Variants in CDH9 observed in about 807,000 individuals in gnomAD.
The protein encoded by CDH9 is cadherin 9, also known as cadherin-9.
CDH9 carries 28 observed loss-of-function variants against 70.9 expected under a neutral mutation model. The observed-to-expected ratio is 0.40, with a 90% CI of 0.29 to 0.54. The LOEUF (loss-of-function observed/expected upper bound fraction) is 0.54, where lower values mean the gene tolerates loss of function less well. CDH9 is among the 20% of genes least tolerant of loss of function. The probability of loss-of-function intolerance (pLI) is 0.59; values close to 1 mark genes in which losing one functional copy is unlikely to be tolerated. For synonymous variants in CDH9, 409 were observed against 343.1 expected (o/e 1.19, Z -2.12); for missense variants, 874 against 984.4 (o/e 0.89, Z 1.50).
At chr5:27,002,662 A>T (rs1269022959) in intron 1 of CDH9, among the ~76,000 whole-genome samples, 1 of 152,018 alleles carries the variant, frequency 6.6e-6, no homozygotes, top group Non-Finnish European at 1.5e-5. Context: ...CAGCAAACTA[A>T]CGCAAGGACA....
At chr5:26,892,913 T>G (rs531424578) in intron 7 of CDH9, among the ~76,000 whole-genome samples, 90 of 152,052 alleles carry the variant, frequency 5.9e-4, no homozygotes, top group Admixed American at 1.8e-3. Context: ...TTTTGTATTT[T>G]TAGTAGAGAC....
chr5:26,986,862 G>C (rs905004142), intron 2 of CDH9, among the ~76,000 whole-genome samples: 3 of 152,000 alleles, frequency 2.0e-5, no homozygotes, highest in Non-Finnish European at 4.4e-5. Flanking sequence ...CAGGCAAAAA[G>C]GAACCAGCAA....
chr5:26,947,639 T>A (rs1018519870), intron 2 of CDH9, among the ~76,000 whole-genome samples: 2 of 152,104 alleles, frequency 1.3e-5, no homozygotes, highest in Non-Finnish European at 2.9e-5. Flanking sequence ...CTATGGGTAA[T>A]GACAAATAAG....
intron 7 of CDH9, among the ~76,000 whole-genome samples, chr5:26,894,370 A>T (rs1417333461): frequency 1.3e-5 from 2 of 152,122 alleles, no homozygotes; most frequent in Admixed American, 1.3e-4. Flanking sequence ...TCAAGCTTTG[A>T]TACACTTGTA....
intron 2 of CDH9, among the ~76,000 whole-genome samples, chr5:26,962,010 T>C (rs1371574254): frequency 6.6e-6 from 1 of 152,158 alleles, no homozygotes; most frequent in African/African-American, 2.4e-5. Context: ...TGGTGTGTGA[T>C]GTCGCCCTCC....
intron 1 of CDH9, among the ~76,000 whole-genome samples, chr5:27,004,717 C>T (rs1579507713): frequency 6.6e-6 from 1 of 152,128 alleles, no homozygotes; most frequent in East Asian, 1.9e-4. Flanking sequence ...AGTAGAAAGT[C>T]AAGGTTTTGA....
In CDH9 at chr5:27,029,293, TG is replaced by T. The variant is rs3838650; in HGVS notation, c.-50+9169del. On this transcript the variant is annotated intron_variant, in intron 1 of 11. Coordinates refer to ENST00000231021, the MANE Select transcript of CDH9 (RefSeq NM_016279.4). ...ATTCACTTCACACAGGGTTAGTTCC[TG>T]GTAGGATATGATCTATAAAATATTT... is the stretch of plus-strand genomic sequence containing the variant. Among the ~76,000 whole-genome samples the T allele has an allele frequency of 7.2e-5, 11 of 152,182 alleles. No individual in the cohort carries two copies. The East Asian group carries it at 2.1e-3, about 30-fold the overall frequency.
At chr5:26,962,804 G>T (rs1742060267) in intron 2 of CDH9, among the ~76,000 whole-genome samples, 1 of 151,900 alleles carries the variant, frequency 6.6e-6, no homozygotes, top group Non-Finnish European at 1.5e-5. Context: ...CTTCTGTTGT[G>T]CTGCCTTCCC....
intron 2 of CDH9, among the ~76,000 whole-genome samples, chr5:26,916,428 T>C (rs61664728): frequency 0.11 from 17,134 of 151,896 alleles, 1,625 homozygotes; most frequent in East Asian, 0.49. Flanking sequence ...GGGGATACAT[T>C]TTATAAGTGG....
chr5:26,892,749 G>A (rs576711092), intron 7 of CDH9, among the ~76,000 whole-genome samples: 6 of 151,360 alleles, frequency 4.0e-5, no homozygotes, highest in Admixed American at 2.0e-4. Flanking sequence ...TTCTTTTTTT[G>A]AGACTGAGTC....
chr5:27,018,485 T>A (rs924441248), intron 1 of CDH9, among the ~76,000 whole-genome samples: 1 of 151,912 alleles, frequency 6.6e-6, no homozygotes, highest in East Asian at 1.9e-4. Flanking sequence ...TAAGTTCAAC[T>A]TCTCTTTATG....
chr5:26,994,146 AC>A (rs1281320428), intron 1 of CDH9, among the ~76,000 whole-genome samples: 2 of 152,154 alleles, frequency 1.3e-5, no homozygotes, highest in Non-Finnish European at 2.9e-5. Flanking sequence ...TCATATGTAG[AC>A]AAAAATTTTA....
chr5:27,032,171 AT>A (rs1743320692), intron 1 of CDH9, among the ~76,000 whole-genome samples: 1 of 151,626 alleles, frequency 6.6e-6, no homozygotes, highest in South Asian at 2.1e-4. Flanking sequence ...GCCCTATAAT[AT>A]TTTTAAGAGC....
intron 2 of CDH9, among the ~76,000 whole-genome samples, chr5:26,923,901 C>G (rs183824223): frequency 6.6e-6 from 1 of 151,796 alleles, no homozygotes; most frequent in Non-Finnish European, 1.5e-5. Context: ...ACAGAAAAAG[C>G]AATAGGAAGA....
intron 1 of CDH9, among the ~76,000 whole-genome samples, chr5:27,037,758 T>C (rs1222880603): frequency 6.6e-6 from 1 of 151,986 alleles, no homozygotes; most frequent in Non-Finnish European, 1.5e-5. Context: ...TTCATCTATC[T>C]AGTCATCATT....
intron 1 of CDH9, among the ~76,000 whole-genome samples, chr5:27,011,107 G>T (rs574273476): frequency 8.6e-4 from 131 of 152,164 alleles, no homozygotes; most frequent in African/African-American, 3.1e-3. Context: ...TAGAGGTGGG[G>T]GAGAAGTGCA....
At chr5:26,909,985 C>T (rs556730140) in intron 3 of CDH9, among the ~76,000 whole-genome samples, 1 of 151,906 alleles carries the variant, frequency 6.6e-6, no homozygotes, top group South Asian at 2.1e-4. Context: ...TTAGATTACA[C>T]AATGTAACCA....
chr5:26,988,423 G>C, intron 1 of CDH9, 41 bp from the exon 2 acceptor site: 1 of 1,502,320 alleles, frequency 6.7e-7, no homozygotes, highest in Non-Finnish European at 8.9e-7. Flanking sequence ...ATTAGCTTGA[G>C]TTTCACTTTC....
rs766973787 is a variant in CDH9 at position 26,952,458 on chromosome 5, C to CAAA, written c.228+35645_228+35647dup. On this transcript the variant is annotated intron_variant, in intron 2 of 11. Transcript: ENST00000231021. Reference sequence around the variant, plus strand: ...TGAAACCCCGTCTCTACTAAAAATACAAAAAAAAAAAAAAAAAAAAAAAAA... The same window carrying CAAA: ...TGAAACCCCGTCTCTACTAAAAATACAAAAAAAAAAAAAAAAAAAAAAAAAAAA... Among the ~76,000 whole-genome samples, 25 of 9,966 alleles carry CAAA rather than the reference C, an allele frequency of 2.5e-3. 3 individuals are homozygous for CAAA. The highest frequency in any genetic ancestry group is 5.5e-3 in the Admixed American group (3 of 546). 6.5% of individuals were successfully genotyped at this position (9,966 alleles called of 152,430 possible).
Sources: allele counts gnomAD v4.1 joint callset (sites outside exome capture counted in the v4.1 genomes callset), GRCh38; gene constraint gnomAD v4.1.1; transcripts MANE v1.5; gene names NCBI Gene and HGNC (gene_info 2026-07-23, HGNC 2026-07-21).